PBX3: variants seen among roughly 807,000 people sequenced by gnomAD.
PBX3 encodes PBX homeobox 3.
A neutral mutation model predicts 48.5 loss-of-function variants in PBX3; 14 were observed. The observed-to-expected ratio is 0.29, with a 90% CI of 0.19 to 0.45. The LOEUF is 0.45. Ranked by LOEUF, PBX3 falls within the 20% of genes least tolerant of loss-of-function variation. PBX3 has a pLI of 1.00. For synonymous variants in PBX3, 210 were observed against 200.3 expected, an observed-to-expected ratio of 1.05 and a Z score of -0.41; for missense variants, 386 against 546.7, an observed-to-expected ratio of 0.71 and a Z score of 2.93.
intron 2 of PBX3, among the ~76,000 whole-genome samples, chr9:125,834,277 A>G (rs1839054251): frequency 6.6e-6 from 1 of 152,236 alleles, no homozygotes; most frequent in Admixed American, 6.5e-5. Context: ...ACAGAGAAGT[A>G]TAGCTGAGGA....
intron 2 of PBX3, among the ~76,000 whole-genome samples, chr9:125,792,100 G>T (rs1268674364): frequency 1.3e-5 from 2 of 151,716 alleles, no homozygotes; most frequent in Non-Finnish European, 2.9e-5. Flanking sequence ...ATATTGGAGA[G>T]TACATGATCA....
chr9:125,750,765 C>T (rs749687150), intron 2 of PBX3, among the ~76,000 whole-genome samples: 3 of 152,184 alleles, frequency 2.0e-5, no homozygotes, highest in Non-Finnish European at 4.4e-5. Context: ...AGGCGGCTGT[C>T]TGGGTAGAGG....
At chr9:125,876,622 A>G (rs10987000) in intron 2 of PBX3, among the ~76,000 whole-genome samples, 6,154 of 152,248 alleles carry the variant, frequency 0.04, 318 homozygotes, top group East Asian at 0.17. Context: ...TGTTTCTGTT[A>G]TCAGTAAGGC....
intron 2 of PBX3, among the ~76,000 whole-genome samples, chr9:125,829,028 G>A (rs1208173535): frequency 6.6e-6 from 1 of 152,140 alleles, no homozygotes; most frequent in Non-Finnish European, 1.5e-5. Flanking sequence ...GTCTGGTATT[G>A]AAAGAAGAGG....
At chr9:125,769,163 T>C (rs1836877274) in intron 2 of PBX3, among the ~76,000 whole-genome samples, 1 of 152,190 alleles carries the variant, frequency 6.6e-6, no homozygotes, top group South Asian at 2.1e-4. Context: ...GAAACTGGCC[T>C]TTAAAAAAAA....
At position 125,747,404 on chromosome 9, in the gene PBX3, G is replaced by T; in HGVS notation, c.-50G>T. On this transcript the variant is annotated 5_prime_UTR_variant, in exon 1 of 9. Transcript: ENST00000373489. ...CCTCGTCGCCGCCGCCGCCGCCGCC[G>T]CCTCAGCCTTCGCCTCAGCCGCCGC... 4 of 911,970 alleles carry T rather than the reference G, an allele frequency of 4.4e-6. No individual in the cohort carries two copies. Among genetic ancestry groups the T allele is most frequent in the South Asian group, 5.3e-5 (2 of 37,720 alleles). The allele number at this position is 911,970 out of a possible 1,614,324, so 56.5% of individuals were successfully genotyped here. A position where few individuals can be genotyped will look rare whatever the true frequency, so the allele number is the denominator to read the frequency against.
intron 3 of PBX3, among the ~76,000 whole-genome samples, chr9:125,925,132 T>C (rs975888680): frequency 1.3e-5 from 2 of 152,236 alleles, no homozygotes; most frequent in East Asian, 1.9e-4. Flanking sequence ...TTGATATTGC[T>C]TCATCAAGGA....
intron 2 of PBX3, among the ~76,000 whole-genome samples, chr9:125,787,554 A>G (rs1373732126): frequency 6.6e-6 from 1 of 152,212 alleles, no homozygotes; most frequent in Non-Finnish European, 1.5e-5. Context: ...CATCGACTAC[A>G]ACTTGAGTAT....
At chr9:125,913,967 G>C (rs1431588804) in intron 2 of PBX3, among the ~76,000 whole-genome samples, 5 of 152,084 alleles carry the variant, frequency 3.3e-5, no homozygotes, top group African/African-American at 1.2e-4. Flanking sequence ...CAAAAAACTT[G>C]CTATGTGAAC....
At chr9:125,765,177 T>G (rs1836770670) in intron 2 of PBX3, among the ~76,000 whole-genome samples, 1 of 151,324 alleles carries the variant, frequency 6.6e-6, no homozygotes, top group African/African-American at 2.4e-5. Flanking sequence ...TGAGAGGGTG[T>G]CTCACTTTGT....
At chr9:125,925,800 G>A (rs1588302589) in intron 3 of PBX3, among the ~76,000 whole-genome samples, 1 of 152,022 alleles carries the variant, frequency 6.6e-6, no homozygotes, top group Non-Finnish European at 1.5e-5. Context: ...TATTTCTATT[G>A]GACAGGATTA....
At chr9:125,965,448 G>T (rs908259098) in intron 8 of PBX3, among the ~76,000 whole-genome samples, 3 of 152,292 alleles carry the variant, frequency 2.0e-5, no homozygotes, top group Admixed American at 1.3e-4. Context: ...TTAAGCCGGG[G>T]TGAAGTTTAG....
At position 125,917,166 on chromosome 9, in the gene PBX3, G is replaced by T. The variant is rs1322096647; in HGVS notation, c.516+1239G>T. ...CTTTTTAAAGTCCACACACTTTAGT[G>T]TGAAATGGGAGTCCTGGTGAGTTTT... On this transcript the variant is annotated intron_variant, in intron 3 of 8. Coordinates refer to ENST00000373489, the MANE Select transcript of PBX3 (RefSeq NM_006195.6). 2.0e-5 allele frequency among the ~76,000 whole-genome samples: 3 copies of T among 152,168 alleles called. No individual in the cohort carries two copies. The East Asian group carries it at 5.8e-4, about 29-fold the overall frequency.
At chr9:125,877,752 G>A (rs2132340353) in intron 2 of PBX3, among the ~76,000 whole-genome samples, 1 of 152,152 alleles carries the variant, frequency 6.6e-6, no homozygotes, top group East Asian at 1.9e-4. Flanking sequence ...TTAGATTTGG[G>A]CATCTGTATC....
At chr9:125,927,729 A>T (rs1841610329) in intron 3 of PBX3, among the ~76,000 whole-genome samples, 1 of 152,210 alleles carries the variant, frequency 6.6e-6, no homozygotes, top group South Asian at 2.1e-4. Flanking sequence ...AGTTATACAG[A>T]TTTATAAATC....
chr9:125,930,858 GAAAACCACAGT>G (rs1841698210), intron 4 of PBX3, among the ~76,000 whole-genome samples: 1 of 152,124 alleles, frequency 6.6e-6, no homozygotes. Flanking sequence ...TGCTTTGCTT[GAAAACCACAGT>G]AGCTTTCCAA....
intron 2 of PBX3, among the ~76,000 whole-genome samples, chr9:125,911,177 A>G (rs903948711): frequency 6.6e-6 from 1 of 152,108 alleles, no homozygotes; most frequent in Admixed American, 6.6e-5. Flanking sequence ...TTCAAATGAG[A>G]TCTCATGACC....
chr9:125,749,447 C>T (rs1836304936), intron 2 of PBX3: 1 of 152,114 alleles, frequency 6.6e-6, no homozygotes. Context: ...ACTGCTCAAA[C>T]TGAAGCAGAG....
At chr9:125,947,507 A>G (rs1842091326) in intron 5 of PBX3, among the ~76,000 whole-genome samples, 1 of 152,162 alleles carries the variant, frequency 6.6e-6, no homozygotes, top group Non-Finnish European at 1.5e-5. Flanking sequence ...ACTTAAAGAA[A>G]AGTAAAGCAT....
Sources: allele counts gnomAD v4.1 joint callset (sites outside exome capture counted in the v4.1 genomes callset), GRCh38; gene constraint gnomAD v4.1.1; transcripts MANE v1.5; gene names NCBI Gene and HGNC (gene_info 2026-07-23, HGNC 2026-07-21).